Variants in DYNC2H1 observed in about 807,000 individuals in gnomAD.
The protein encoded by DYNC2H1 is dynein cytoplasmic 2 heavy chain 1, also known as cytoplasmic dynein 2 heavy chain 1.
A neutral mutation model predicts 570.0 loss-of-function variants in DYNC2H1; 410 were observed. The ratio of observed to expected loss-of-function variants is 0.72; its 90% CI spans 0.66 to 0.78. The LOEUF is 0.78. DYNC2H1 is among the 30% of genes least tolerant of loss of function. The probability of loss-of-function intolerance (pLI) is 0.00; values close to 1 mark genes in which losing one functional copy is unlikely to be tolerated. For synonymous variants in DYNC2H1, 1,688 were observed against 1,677.6 expected (o/e 1.01, Z -0.15); for missense variants, 4,865 against 5,046.4 (o/e 0.96, Z 1.09).
intron 54 of DYNC2H1, among the ~76,000 whole-genome samples, chr11:103,214,446 CTT>C (rs200386358): frequency 2.4e-5 from 3 of 127,448 alleles, no homozygotes; most frequent in Admixed American, 8.5e-5. Flanking sequence ...ACTTCTTCTT[CTT>C]TTTTTTTTTT....
At position 103,151,009 on chromosome 11, in the gene DYNC2H1, T is replaced by C. The variant is rs1053079464; in HGVS notation, c.2947-1127T>C. 3.9e-5 allele frequency among the ~76,000 whole-genome samples: 6 copies of C among 152,188 alleles called. No individual in the cohort carries two copies. The highest frequency in any genetic ancestry group is 8.8e-5 in the Non-Finnish European group (6 of 68,026). ...TGTTGCTGGATTTTATATAGCAAAG[T>C]ATTATATAATTCTCTTTTGGTATGT... On this transcript the variant is annotated intron_variant, in intron 20 of 88. Coordinates refer to ENST00000375735, the MANE Select transcript of DYNC2H1 (RefSeq NM_001377.3). The surrounding 1 kb of genome is among the most constrained non-coding windows in gnomAD (Gnocchi z 4.6).
chr11:103,406,617 C>A (rs1035259356), intron 84 of DYNC2H1: 5 of 151,780 alleles, frequency 3.3e-5, no homozygotes, highest in African/African-American at 1.2e-4. Flanking sequence ...AGGAATGCGG[C>A]GATTGTTAAA....
At chr11:103,131,362 C>T (rs1382026196) in intron 13 of DYNC2H1, among the ~76,000 whole-genome samples, 2 of 151,988 alleles carry the variant, frequency 1.3e-5, no homozygotes, top group African/African-American at 4.8e-5. Flanking sequence ...GTCGCAATCT[C>T]GGCTCACTGC....
At chr11:103,297,521 A>C (rs1866884184) in intron 75 of DYNC2H1, among the ~76,000 whole-genome samples, 1 of 152,120 alleles carries the variant, frequency 6.6e-6, no homozygotes, top group Non-Finnish European at 1.5e-5. Flanking sequence ...ATGTAGTATA[A>C]CTTATTGCTC....
intron 75 of DYNC2H1, among the ~76,000 whole-genome samples, chr11:103,294,003 GGA>G (rs1409746375): frequency 1.3e-5 from 2 of 151,958 alleles, no homozygotes; most frequent in African/African-American, 4.8e-5. Flanking sequence ...CTTGAATCTG[GGA>G]GAGGCAGAGG....
chr11:103,206,629 A>G (rs1400924990), intron 52 of DYNC2H1, among the ~76,000 whole-genome samples: 1 of 151,676 alleles, frequency 6.6e-6, no homozygotes, highest in African/African-American at 2.4e-5. Context: ...GAAGAAAACC[A>G]GACAAACATT....
intron 88 of DYNC2H1, among the ~76,000 whole-genome samples, chr11:103,473,032 T>A (rs1945435101): frequency 6.6e-6 from 1 of 152,142 alleles, no homozygotes; most frequent in South Asian, 2.1e-4. Flanking sequence ...TTTCAGTATG[T>A]GGTGATACTT....
At position 103,257,590 on chromosome 11, in the gene DYNC2H1, T is replaced by G. The variant is rs766206054; in HGVS notation, c.10462-18T>G. ...AAGGTGTTTCCACCCTATCCCCTACTGATCTCTTGATCCATAGGAACGGGA... is the reference window on the plus strand; with the variant it reads ...AAGGTGTTTCCACCCTATCCCCTACGGATCTCTTGATCCATAGGAACGGGA... On this transcript the variant is annotated intron_variant, in intron 68 of 88. Transcript: ENST00000375735. The G allele has an allele frequency of 1.9e-6, 3 of 1,602,858 alleles. No individual in the cohort carries two copies. The highest frequency in any genetic ancestry group is 2.6e-6 in the Non-Finnish European group (3 of 1,173,608).
intron 83 of DYNC2H1, among the ~76,000 whole-genome samples, chr11:103,378,949 T>C (rs969066615): frequency 1.3e-5 from 2 of 152,228 alleles, no homozygotes; most frequent in Non-Finnish European, 2.9e-5. Flanking sequence ...TATGTTTAAG[T>C]GTATGTTTTT....
At chr11:103,381,639 G>T (rs1157015812) in intron 83 of DYNC2H1, among the ~76,000 whole-genome samples, 2 of 152,134 alleles carry the variant, frequency 1.3e-5, no homozygotes, top group Non-Finnish European at 2.9e-5. Context: ...AGTAGAGATG[G>T]TGTTTCATCA....
At chr11:103,231,936 G>T (rs1297498284) in intron 60 of DYNC2H1, among the ~76,000 whole-genome samples, 1 of 151,208 alleles carries the variant, frequency 6.6e-6, no homozygotes, top group Non-Finnish European at 1.5e-5. Flanking sequence ...TACTTATAGA[G>T]AAATACTTAT....
intron 11 of DYNC2H1, among the ~76,000 whole-genome samples, chr11:103,124,338 A>G (rs1858875750): frequency 6.6e-6 from 1 of 150,788 alleles, no homozygotes; most frequent in South Asian, 2.1e-4. Context: ...CCAGTTACTC[A>G]GGAGACTGAG....
At chr11:103,180,885 A>G (rs1351592595) in intron 39 of DYNC2H1, among the ~76,000 whole-genome samples, 2 of 151,548 alleles carry the variant, frequency 1.3e-5, no homozygotes, top group African/African-American at 4.8e-5. Context: ...TTCATATTAG[A>G]CTGGATAGAA....
At chr11:103,344,975 T>G (rs1368488952) in intron 82 of DYNC2H1, among the ~76,000 whole-genome samples, 1 of 149,846 alleles carries the variant, frequency 6.7e-6, no homozygotes, top group East Asian at 2.0e-4. Flanking sequence ...CTGTTTTGTT[T>G]AAAACTCTTT....
intron 52 of DYNC2H1, among the ~76,000 whole-genome samples, chr11:103,207,417 A>G (rs530667856): frequency 3.2e-4 from 48 of 152,084 alleles, no homozygotes; most frequent in Non-Finnish European, 5.3e-4. Context: ...GGCATTTCCT[A>G]TGAGAATGGA....
chr11:103,208,026 T>C (rs1172841083), intron 52 of DYNC2H1, among the ~76,000 whole-genome samples: 2 of 151,848 alleles, frequency 1.3e-5, no homozygotes, highest in African/African-American at 4.8e-5. Flanking sequence ...TGGAAGGGAG[T>C]AAGCTGGGAA....
At position 103,395,795 on chromosome 11, in the gene DYNC2H1, A is replaced by G. The variant is rs564092065; in HGVS notation, c.12157-3868A>G. On this transcript the variant is annotated intron_variant, in intron 83 of 88. Coordinates refer to ENST00000375735, the MANE Select transcript of DYNC2H1 (RefSeq NM_001377.3). The surrounding 1 kb of genome is among the most constrained non-coding windows in gnomAD (Gnocchi z 4.3). ...TAATTTGTGGAACTGAGTTGAATCA[A>G]CTCTTCCAGAACTCTGTGGACTAAG... Among the ~76,000 whole-genome samples the G allele has an allele frequency of 6.6e-6, 1 of 152,184 alleles. No individual in the cohort carries two copies. The highest frequency in any genetic ancestry group is 1.5e-5 in the Non-Finnish European group (1 of 68,014).
At chr11:103,411,648 ATTT>A (rs965719227) in intron 84 of DYNC2H1, among the ~76,000 whole-genome samples, 6 of 152,170 alleles carry the variant, frequency 3.9e-5, no homozygotes, top group Non-Finnish European at 8.8e-5. Context: ...ATATGAAACA[ATTT>A]TTTAAGACCA....
Position 103,235,794 on chromosome 11 carries a change from C to T in DYNC2H1, c.9690C>T (p.Thr3230=). 6.2e-7 allele frequency: 1 copy of T among 1,611,378 alleles called. No homozygotes were observed. Among genetic ancestry groups the T allele is most frequent in the Non-Finnish European group, 8.5e-7 (1 of 1,178,224 alleles). ...GAAAAACCTGTTTGGAAGAATGGACCAAGTCAGCTGGTCTTGAGAGTTTGT... is the reference window on the plus strand; with the variant it reads ...GAAAAACCTGTTTGGAAGAATGGACTAAGTCAGCTGGTCTTGAGAGTTTGT... ...SLRKTCLEEW[T]KSAGLEKFDL... Residue 3230 remains threonine (T), a synonymous_variant, in exon 62 of 89, where the codon ACC becomes ACT. Transcript: ENST00000375735.
Sources: allele counts gnomAD v4.1 joint callset (sites outside exome capture counted in the v4.1 genomes callset), GRCh38; gene constraint gnomAD v4.1.1; non-coding constraint Gnocchi (gnomAD v3.1); transcripts MANE v1.5; gene names NCBI Gene and HGNC (gene_info 2026-07-23, HGNC 2026-07-21).